Variants in SLC39A9 observed in about 807,000 individuals in gnomAD.
The protein encoded by SLC39A9 is zinc transporter ZIP9.
SLC39A9 carries 14 observed loss-of-function variants against 28.4 expected under a neutral mutation model. The observed-to-expected ratio is 0.49, with a 90% CI of 0.33 to 0.77. SLC39A9 has a LOEUF of 0.77. Ranked by LOEUF, SLC39A9 falls within the 30% of genes least tolerant of loss-of-function variation. The pLI is 0.02. For missense variants in SLC39A9, 283 were observed against 381.1 expected, an observed-to-expected ratio of 0.74 and a Z score of 2.14; for synonymous variants, 119 against 149.6, an observed-to-expected ratio of 0.80 and a Z score of 1.49.
intron 1 of SLC39A9, among the ~76,000 whole-genome samples, chr14:69,401,365 G>C (rs1484201407): frequency 6.6e-6 from 1 of 152,114 alleles, no homozygotes; most frequent in Non-Finnish European, 1.5e-5. Flanking sequence ...TGTTTCCTTT[G>C]ACATAACCAT....
chr14:69,430,019 G>C (rs966467580), intron 2 of SLC39A9, among the ~76,000 whole-genome samples: 3 of 152,082 alleles, frequency 2.0e-5, no homozygotes, highest in African/African-American at 7.2e-5. Flanking sequence ...TGTGGTGATA[G>C]CAAACATTTT....
chr14:69,413,368 A>C (rs560146813), intron 1 of SLC39A9, among the ~76,000 whole-genome samples: 1 of 152,118 alleles, frequency 6.6e-6, no homozygotes, highest in Non-Finnish European at 1.5e-5. Context: ...AAAAAAAAAA[A>C]ATTTTTTTTC....
intron 2 of SLC39A9, among the ~76,000 whole-genome samples, chr14:69,436,699 C>G (rs1884778077): frequency 6.6e-6 from 1 of 152,054 alleles, no homozygotes; most frequent in Non-Finnish European, 1.5e-5. Flanking sequence ...ATTAAAGAAC[C>G]CCTCTCTCAG....
chr14:69,421,077 T>C (rs1159139621), intron 1 of SLC39A9, among the ~76,000 whole-genome samples: 1 of 152,242 alleles, frequency 6.6e-6, no homozygotes, highest in Non-Finnish European at 1.5e-5. Context: ...AGAGGTGCTC[T>C]GGTTTTTAGA....
chr14:69,462,363 A>G lies in SLC39A9; in HGVS notation c.*3770A>G, dbSNP rs1284518733. 6.6e-6 allele frequency: 1 copy of G among 152,238 alleles called. No individual in the cohort carries two copies. Among genetic ancestry groups the G allele is most frequent in the Non-Finnish European group, 1.5e-5 (1 of 68,068 alleles). The allele number at this position is 152,238 out of a possible 1,614,324, so 9.4% of individuals were successfully genotyped here. On this transcript the variant is annotated 3_prime_UTR_variant, in exon 7 of 7. Transcript: ENST00000336643. ...GGTTAAAAAAATGCTGTTTTCTGATATTAAATTTTTATTAGTGCATACCTT... is the reference window on the plus strand; with the variant it reads ...GGTTAAAAAAATGCTGTTTTCTGATGTTAAATTTTTATTAGTGCATACCTT...
rs146874827 is a variant in SLC39A9 at position 69,439,641 on chromosome 14, G to A, written c.206-2428G>A. Among the ~76,000 whole-genome samples the A allele has an allele frequency of 4.1e-3, 617 of 152,220 alleles. 6 individuals are homozygous for A. Among genetic ancestry groups the A allele is most frequent in the African/African-American group, 0.014 (594 of 41,522 alleles). On this transcript the variant is annotated intron_variant, in intron 2 of 6. Coordinates refer to ENST00000336643, the MANE Select transcript of SLC39A9 (RefSeq NM_018375.5). ...GAAACTTGATCCCAGTGTTGGAGGC[G>A]GGGCCTGGTGGGAGGTGTTTGGGTC... is the stretch of plus-strand genomic sequence containing the variant.
intron 1 of SLC39A9, among the ~76,000 whole-genome samples, chr14:69,423,824 G>A (rs1455857650): frequency 6.6e-6 from 1 of 151,778 alleles, no homozygotes; most frequent in Non-Finnish European, 1.5e-5. Context: ...CTGGAACTTG[G>A]GAGGCGAAGG....
intron 3 of SLC39A9, among the ~76,000 whole-genome samples, chr14:69,450,104 G>A (rs753205510): frequency 7.2e-5 from 11 of 151,946 alleles, no homozygotes; most frequent in South Asian, 2.1e-4. Flanking sequence ...AACAAGAATC[G>A]CTTGAACCTG....
intron 2 of SLC39A9, among the ~76,000 whole-genome samples, chr14:69,439,029 A>T (rs980125802): frequency 6.6e-6 from 1 of 152,224 alleles, no homozygotes; most frequent in Non-Finnish European, 1.5e-5. Context: ...TTATGCATAG[A>T]AATACCTAAG....
At chr14:69,411,080 C>T (rs1301590726) in intron 1 of SLC39A9, among the ~76,000 whole-genome samples, 1 of 151,930 alleles carries the variant, frequency 6.6e-6, no homozygotes, top group Non-Finnish European at 1.5e-5. Flanking sequence ...GGCATGATGG[C>T]ACATGCCTGT....
In SLC39A9 at chr14:69,458,527, G is replaced by A. The variant is rs905670314; in HGVS notation, c.858G>A (p.Leu286=). 3 of 1,614,102 alleles carry A rather than the reference G, an allele frequency of 1.9e-6. No individual in the cohort carries two copies. Among genetic ancestry groups the A allele is most frequent in the Middle Eastern group, 3.3e-4 (2 of 6,084 alleles). The change falls in exon 7 of 7, where the codon CTG becomes CTA. Residue 286 remains leucine (L), a synonymous_variant. Transcript: ENST00000336643. The stretch of plus-strand genomic sequence containing the variant: ...CGGGAGGGAGAGGCCTCAGCCGCCT[G>A]GAAGTGGCAGCCCTGGTTCTGGGTT... ...DATGGRGLSR[L]EVAALVLGCL... is the part of the protein sequence containing the mutation.
intron 1 of SLC39A9, among the ~76,000 whole-genome samples, chr14:69,407,639 C>CTTT (rs1172803680): frequency 7.4e-6 from 1 of 135,142 alleles, no homozygotes; most frequent in Non-Finnish European, 1.6e-5. Flanking sequence ...AATTTTCTTT[C>CTTT]TTTTTTTTTT....
chr14:69,402,355 A>G lies in SLC39A9; in HGVS notation c.96+2890A>G, dbSNP rs571809900. Among the ~76,000 whole-genome samples the G allele has an allele frequency of 1.5e-4, 23 of 152,346 alleles. No individual in the cohort carries two copies. The South Asian group carries it at 1.9e-3, about 12-fold the overall frequency. ...CATGAGTTGGACAAGCTTGATTTAC[A>G]TGAAAAGATATGCTTTTTATTCATG... On this transcript the variant is annotated intron_variant, in intron 1 of 6. Transcript: ENST00000336643.
intron 3 of SLC39A9, among the ~76,000 whole-genome samples, chr14:69,448,288 G>A (rs1321091763): frequency 6.6e-6 from 1 of 150,458 alleles, no homozygotes; most frequent in Non-Finnish European, 1.5e-5. Context: ...ACATTTTGCA[G>A]TTTTAATCCA....
chr14:69,420,559 G>C (rs545793502), intron 1 of SLC39A9, among the ~76,000 whole-genome samples: 1 of 152,074 alleles, frequency 6.6e-6, no homozygotes, highest in Non-Finnish European at 1.5e-5. Context: ...TGCTATGTTG[G>C]GGAAGTTCTC....
At chr14:69,407,565 G>C (rs927993262) in intron 1 of SLC39A9, among the ~76,000 whole-genome samples, 3 of 151,934 alleles carry the variant, frequency 2.0e-5, no homozygotes, top group Non-Finnish European at 4.4e-5. Context: ...CTTACCTCAG[G>C]TGGTCTGCCC....
chr14:69,429,578 C>T (rs1884382678), intron 2 of SLC39A9: 1 of 152,172 alleles, frequency 6.6e-6, no homozygotes, highest in African/African-American at 2.4e-5. Flanking sequence ...ATTAGCCACG[C>T]ATGGTGCCTC....
Position 69,458,610 on chromosome 14 carries a change from C to T in SLC39A9, c.*17C>T. 1 of 1,590,804 alleles carries T rather than the reference C, an allele frequency of 6.3e-7. No individual in the cohort carries two copies. Among genetic ancestry groups the T allele is most frequent in the South Asian group, 1.1e-5 (1 of 89,334 alleles). ...CAGCATTAAATGTTCAAGGTCCAGCCTTGGTCCAGGGCCGTTTGCCATCCA... is the reference window on the plus strand; with the variant it reads ...CAGCATTAAATGTTCAAGGTCCAGCTTTGGTCCAGGGCCGTTTGCCATCCA... On this transcript the variant is annotated 3_prime_UTR_variant, in exon 7 of 7. Transcript: ENST00000336643.
At chr14:69,414,471 T>G (rs915585794) in intron 1 of SLC39A9, among the ~76,000 whole-genome samples, 15 of 152,166 alleles carry the variant, frequency 9.9e-5, no homozygotes, top group Admixed American at 3.9e-4. Context: ...GATGAGATTG[T>G]TTAAGGAAAA....
Sources: allele counts gnomAD v4.1 joint callset (sites outside exome capture counted in the v4.1 genomes callset), GRCh38; gene constraint gnomAD v4.1.1; transcripts MANE v1.5; gene names NCBI Gene and HGNC (gene_info 2026-07-23, HGNC 2026-07-21).